Variants in MYO15B observed in about 807,000 individuals in gnomAD.
The protein encoded by MYO15B is myosin XVB, also known as myosin XVB pseudogene.
MYO15B carries 207 observed loss-of-function variants against 119.3 expected under a neutral mutation model. The ratio of observed to expected loss-of-function variants is 1.73; its 90% confidence interval spans 1.55 to 1.95. MYO15B has a LOEUF of 1.95. Ranked by LOEUF, MYO15B falls within the 30% of genes most tolerant of loss-of-function variation. The pLI, the probability that MYO15B is intolerant of heterozygous loss-of-function variation, is 0.00. For missense variants in MYO15B, 2,264 were observed against 1,203.1 expected (o/e 1.88, Z -13.04); for synonymous variants, 966 against 498.9 (o/e 1.94, Z -12.48).
At position 75,616,646 on chromosome 17, in the gene MYO15B, C is replaced by G; in HGVS notation, c.6367C>G (p.Pro2123Ala). 3 of 702,974 alleles carry G rather than the reference C, an allele frequency of 4.3e-6. No individual in the cohort carries two copies. In the South Asian group the frequency reaches 4.4e-5, roughly 10 times the overall value. The allele number at this position is 702,974 out of a possible 1,614,324, so 43.5% of individuals were successfully genotyped here. A position where few individuals can be genotyped will look rare whatever the true frequency, so the allele number is the denominator to read the frequency against. Residue 2123 changes from proline to alanine, a missense_variant, in exon 39 of 64, where the codon CCA (proline) becomes GCA (alanine). Transcript: ENST00000645453. ...AGCGGCCAAGGGCCATGGCCAAGGG[C>G]CAGCCCAAGGCAGGGGGACTGTGGT...
Position 75,620,656 on chromosome 17 carries a change from G to A in MYO15B, c.7725+20G>A. 1.4e-6 allele frequency: 1 copy of A among 695,726 alleles called. No homozygotes were observed. The highest frequency in any genetic ancestry group is 2.6e-6 in the Non-Finnish European group (1 of 379,432). 43.1% of individuals were successfully genotyped at this position (695,726 alleles called of 1,614,324 possible). A position where few individuals can be genotyped will look rare whatever the true frequency, so the allele number is the denominator to read the frequency against. On this transcript the variant is annotated intron_variant, in intron 49 of 63. Transcript: ENST00000645453. Reference sequence around the variant, plus strand: ...TCAGAGGTGAGGAAGATGGGAGAGGGACAAGCAGAGGCAAGGCCTGCCTGA... The same window carrying A: ...TCAGAGGTGAGGAAGATGGGAGAGGAACAAGCAGAGGCAAGGCCTGCCTGA...
At position 75,615,904 on chromosome 17, in the gene MYO15B, C is replaced by G. The variant is rs1439773707; in HGVS notation, c.6030+20C>G. 1.7e-5 allele frequency: 11 copies of G among 650,266 alleles called. No individual in the cohort carries two copies. In the Middle Eastern group the frequency reaches 7.3e-4, roughly 43 times the overall value. 40.3% of individuals were successfully genotyped at this position (650,266 alleles called of 1,614,324 possible). On this transcript the variant is annotated intron_variant, in intron 36 of 63. Transcript: ENST00000645453. ...CTGAGGGTGAGGAGGTGACCATATT[C>G]TCAGGAAGGGATGTGAGGGTGGGGA...
At chr17:75,625,267 CCCCT>C (rs1431691806) in intron 60 of MYO15B, 29 bp downstream of exon 60, 2 of 679,400 alleles carry the variant, frequency 2.9e-6, no homozygotes, top group African/African-American at 3.5e-5. Flanking sequence ...CGCCCCTAAG[CCCCT>C]CCCCTTCTCT....
At chr17:75,609,368 T>C (rs2057859152) in intron 21 of MYO15B, among the ~76,000 whole-genome samples, 2 of 151,520 alleles carry the variant, frequency 1.3e-5, no homozygotes, top group African/African-American at 4.9e-5. Flanking sequence ...AGAGATGAGG[T>C]CTTGCTATGT....
intron 14 of MYO15B, among the ~76,000 whole-genome samples, chr17:75,600,905 T>TG (rs1491145719): frequency 1.6e-5 from 1 of 64,460 alleles, no homozygotes; most frequent in Non-Finnish European, 3.8e-5. Context: ...TAATTTTTAA[T>TG]TTTTTTTTTT....
At chr17:75,617,762 G>C (rs1170820570) in intron 41 of MYO15B, 48 bp from the exon 42 acceptor site, 2 of 677,774 alleles carry the variant, frequency 3.0e-6, no homozygotes, top group East Asian at 5.4e-5. Flanking sequence ...CCATCACTCT[G>C]GCTCTGCAGC....
intron 41 of MYO15B, chr17:75,617,548 A>G (rs2148053280): frequency 4.7e-6 from 2 of 422,080 alleles, no homozygotes; most frequent in Non-Finnish European, 8.7e-6. Context: ...TGTCCCTGAC[A>G]CATACCCGAC....
In MYO15B at chr17:75,613,275, C is replaced by G. The variant is rs1170424422; in HGVS notation, c.4968-18C>G. On this transcript the variant is annotated intron_variant, in intron 27 of 63. Coordinates refer to ENST00000645453, the Ensembl canonical transcript of MYO15B. ...CTGGATCACCCTGCCTCCACTGCAG[C>G]CTGTGCCCGCCCTGCAGGTTCGTGT... The G allele has an allele frequency of 1.5e-6, 1 of 667,892 alleles. No homozygotes were observed. Among genetic ancestry groups the G allele is most frequent in the Admixed American group, 2.1e-5 (1 of 46,960 alleles). 41.4% of individuals were successfully genotyped at this position (667,892 alleles called of 1,614,324 possible).
At chr17:75,623,581 C>G (rs2058830146) in intron 53 of MYO15B, among the ~76,000 whole-genome samples, 200 bp from the exon 54 acceptor site, 1 of 152,218 alleles carries the variant, frequency 6.6e-6, no homozygotes, top group Non-Finnish European at 1.5e-5. Context: ...GAGATCATGC[C>G]ATTGCATTCC....
At chr17:75,620,860 GTGGTACT>G (rs2058667845) in intron 49 of MYO15B, 164 bp from the exon 50 acceptor site, 1 of 701,770 alleles carries the variant, frequency 1.4e-6, no homozygotes, top group Non-Finnish European at 2.6e-6. Flanking sequence ...TGTGTCCCAC[GTGGTACT>G]TAGTTCAAGG....
chr17:75,620,935 C>T, intron 49 of MYO15B, 96 bp from the exon 50 acceptor site: 1 of 702,596 alleles, frequency 1.4e-6, no homozygotes, highest in South Asian at 1.5e-5. Flanking sequence ...TGGTCTTGCT[C>T]CTTTGGTGTC....
chr17:75,602,961 G>T lies in MYO15B; in HGVS notation c.3845+16G>T, dbSNP rs372038056. The T allele has an allele frequency of 2.9e-6, 2 of 697,418 alleles. No homozygotes were observed. Among genetic ancestry groups the T allele is most frequent in the Admixed American group, 4.0e-5 (2 of 49,520 alleles). 43.2% of individuals were successfully genotyped at this position (697,418 alleles called of 1,614,324 possible). Reference sequence around the variant, plus strand: ...GGCTGGGCAGGTAAGAACAGCGCCCGCCACACCAGACCCCAGGGAGTTGTA... The same window carrying T: ...GGCTGGGCAGGTAAGAACAGCGCCCTCCACACCAGACCCCAGGGAGTTGTA... On this transcript the variant is annotated intron_variant, in intron 17 of 63. Transcript: ENST00000645453.
chr17:75,625,668 T>G lies in MYO15B; in HGVS notation c.8938+8T>G, dbSNP rs767322332. ...CACAGATCAGCTTCATTGGTGGGTC[T>G]GGGACTAGGGGACCGCTGGGTGGGG... On this transcript the variant is annotated splice_region_variant and intron_variant, in intron 61 of 63. Transcript: ENST00000645453. 1.4e-6 allele frequency: 1 copy of G among 702,792 alleles called. No homozygotes were observed. The highest frequency in any genetic ancestry group is 1.7e-5 in the African/African-American group (1 of 57,236). 43.5% of individuals were successfully genotyped at this position (702,792 alleles called of 1,614,324 possible).
chr17:75,617,147 G>A (rs570510959), exon 41 of MYO15B: 18 of 687,130 alleles, frequency 2.6e-5, no homozygotes, highest in South Asian at 1.2e-4. Flanking sequence ...CCAAGGCCCC[G>A]CTACAGCTTG....
intron 53 of MYO15B, among the ~76,000 whole-genome samples, chr17:75,622,586 G>A (rs570345239): frequency 1.6e-4 from 25 of 152,334 alleles, no homozygotes; most frequent in Non-Finnish European, 2.9e-4. Context: ...AACCACCAGA[G>A]GATTCTGGAG....
rs1017110729 is a variant in MYO15B, at chr17:75,620,032, G to C, written c.7443+12G>C. The stretch of plus-strand genomic sequence containing the variant: ...ATGAGCTTAAGAAGGTAAGTGTGGG[G>C]CACGGGTTGAGAGGCCGGGCAGACA... On this transcript the variant is annotated intron_variant, in intron 47 of 63. Transcript: ENST00000645453. The C allele has an allele frequency of 2.9e-6, 2 of 696,450 alleles. No individual in the cohort carries two copies. Among genetic ancestry groups the C allele is most frequent in the Non-Finnish European group, 5.2e-6 (2 of 381,376 alleles). 43.1% of individuals were successfully genotyped at this position (696,450 alleles called of 1,614,324 possible).
At chr17:75,602,301 AGT>A in intron 15 of MYO15B, 1 of 676,094 alleles carries the variant, frequency 1.5e-6, no homozygotes, top group Middle Eastern at 2.4e-4. Flanking sequence ...CAGTGGGGAG[AGT>A]GTGGTCTTGC....
At chr17:75,626,345 G>A (rs1229909213) in intron 63 of MYO15B, 62 bp from the exon 64 acceptor site, 1 of 701,862 alleles carries the variant, frequency 1.4e-6, no homozygotes, top group East Asian at 2.7e-5. Context: ...AGTGCTGTGG[G>A]CCGGGGCAGA....
intron 43 of MYO15B, chr17:75,618,932 G>C (rs1053899050): frequency 1.7e-6 from 1 of 591,406 alleles, no homozygotes; most frequent in Non-Finnish European, 3.0e-6. Flanking sequence ...GGCAGTTGCA[G>C]GGGAGGGGAC....
Sources: gnomAD v4.1 joint callset for allele counts (sites outside exome capture counted in the v4.1 genomes callset) on GRCh38, gnomAD v4.1.1 for gene constraint, MANE v1.5 for transcripts, NCBI Gene and HGNC (gene_info 2026-07-23, HGNC 2026-07-21) for gene names.